Variants in SLC16A7 observed in about 807,000 individuals in gnomAD.
SLC16A7 encodes monocarboxylate transporter 2.
A neutral mutation model predicts 34.9 loss-of-function variants in SLC16A7; 33 were observed. The ratio of observed to expected loss-of-function variants is 0.94; its 90% CI spans 0.72 to 1.26. SLC16A7 has a LOEUF of 1.26. Among genes scored for constraint, SLC16A7 ranks in the 50% most tolerant of loss-of-function variants. SLC16A7 has a pLI of 0.00. For missense variants in SLC16A7, 573 were observed against 578.1 expected, an observed-to-expected ratio of 0.99 and a Z score of 0.09; for synonymous variants, 201 against 206.6, an observed-to-expected ratio of 0.97 and a Z score of 0.23.
chr12:59,753,796 A>T (rs1479962124), intron 3 of SLC16A7, among the ~76,000 whole-genome samples: 1 of 152,170 alleles, frequency 6.6e-6, no homozygotes, highest in East Asian at 1.9e-4. Flanking sequence ...AAATCAACAG[A>T]ATATACATTT....
intron 5 of SLC16A7, among the ~76,000 whole-genome samples, chr12:59,776,343 C>T (rs943033966): frequency 1.3e-5 from 2 of 152,106 alleles, no homozygotes; most frequent in Admixed American, 1.3e-4. Context: ...TAAATTATGC[C>T]TTCTGAACTT....
At chr12:59,752,614 C>G (rs140896276) in intron 3 of SLC16A7, among the ~76,000 whole-genome samples, 2,629 of 151,794 alleles carry the variant, frequency 0.017, 61 homozygotes, top group African/African-American at 0.059. Context: ...GTGAAAAGAC[C>G]AAATCTATGT....
chr12:59,728,524 G>A (rs987099410), intron 3 of SLC16A7, among the ~76,000 whole-genome samples: 7 of 152,118 alleles, frequency 4.6e-5, no homozygotes, highest in East Asian at 1.9e-4. Flanking sequence ...AGAACCTATC[G>A]TCATCCAGGT....
chr12:59,684,540 A>G (rs1199671983), intron 2 of SLC16A7, among the ~76,000 whole-genome samples: 1 of 152,138 alleles, frequency 6.6e-6, no homozygotes, highest in Non-Finnish European at 1.5e-5. Context: ...AAAGGTCAGA[A>G]AAACATAGTG....
chr12:59,761,351 A>C (rs1880994277), intron 3 of SLC16A7: 1 of 309,458 alleles, frequency 3.2e-6, no homozygotes, highest in Non-Finnish European at 6.3e-6. Flanking sequence ...GTACTACTTA[A>C]GTTACATAAA....
At chr12:59,640,170 G>C (rs1307610662) in intron 1 of SLC16A7, among the ~76,000 whole-genome samples, 1 of 152,130 alleles carries the variant, frequency 6.6e-6, no homozygotes, top group Non-Finnish European at 1.5e-5. Flanking sequence ...ATTAACAGTT[G>C]TAACTATTTC....
At chr12:59,692,280 C>A (rs1871755405) in intron 2 of SLC16A7, among the ~76,000 whole-genome samples, 1 of 151,880 alleles carries the variant, frequency 6.6e-6, no homozygotes, top group Admixed American at 6.6e-5. Flanking sequence ...CCTGGGTAAT[C>A]CAGGGTAAGA....
chr12:59,710,661 G>T (rs181466894), intron 3 of SLC16A7, among the ~76,000 whole-genome samples: 2 of 152,192 alleles, frequency 1.3e-5, no homozygotes, highest in African/African-American at 2.4e-5. Context: ...TGTATAAAAA[G>T]AACCTATTTA....
chr12:59,634,044 C>T (rs1007801183), intron 1 of SLC16A7, among the ~76,000 whole-genome samples: 1 of 152,004 alleles, frequency 6.6e-6, no homozygotes, highest in Non-Finnish European at 1.5e-5. Context: ...TAACATTATC[C>T]CTATTTTATG....
At chr12:59,700,906 G>T (rs1202313763) in intron 2 of SLC16A7, among the ~76,000 whole-genome samples, 1 of 151,662 alleles carries the variant, frequency 6.6e-6, no homozygotes, top group Non-Finnish European at 1.5e-5. Flanking sequence ...CTAATCTGAG[G>T]CAAGCATACA....
At chr12:59,745,567 A>G (rs1482076554) in intron 3 of SLC16A7, among the ~76,000 whole-genome samples, 2 of 152,250 alleles carry the variant, frequency 1.3e-5, no homozygotes, top group Non-Finnish European at 2.9e-5. Flanking sequence ...ATGAATGACA[A>G]AAAATAATTC....
intron 2 of SLC16A7, among the ~76,000 whole-genome samples, chr12:59,695,839 G>T (rs1419535831): frequency 1.3e-5 from 2 of 152,014 alleles, no homozygotes; most frequent in Non-Finnish European, 2.9e-5. Flanking sequence ...ATATTGGATG[G>T]ATTAGAGATT....
intron 1 of SLC16A7, among the ~76,000 whole-genome samples, chr12:59,647,462 C>T (rs1868267023): frequency 6.6e-6 from 1 of 152,182 alleles, no homozygotes; most frequent in Non-Finnish European, 1.5e-5. Flanking sequence ...TTCCCAAGGC[C>T]TCCCTAGCCC....
chr12:59,633,434 C>T (rs1197789192), intron 1 of SLC16A7, among the ~76,000 whole-genome samples: 2 of 151,970 alleles, frequency 1.3e-5, no homozygotes, highest in African/African-American at 2.4e-5. Flanking sequence ...TGTTACTTAA[C>T]ATTTAGCAGT....
intron 3 of SLC16A7, among the ~76,000 whole-genome samples, chr12:59,766,901 G>T (rs911858701): frequency 7.2e-5 from 11 of 152,050 alleles, no homozygotes; most frequent in Non-Finnish European, 1.5e-4. Flanking sequence ...GCTTCAGAAG[G>T]AATGGTACCA....
At chr12:59,604,995 C>T (rs745554451) in intron 1 of SLC16A7, among the ~76,000 whole-genome samples, 3 of 151,984 alleles carry the variant, frequency 2.0e-5, no homozygotes, top group Non-Finnish European at 4.4e-5. Context: ...TACAGGCGCC[C>T]GCCACCACGC....
chr12:59,676,872 A>G (rs1294542820), intron 2 of SLC16A7, among the ~76,000 whole-genome samples: 1 of 152,170 alleles, frequency 6.6e-6, no homozygotes, highest in East Asian at 1.9e-4. Flanking sequence ...GATTTTAAGT[A>G]ACATTTGCAT....
rs1474415226 is a variant in SLC16A7, at chr12:59,596,733, G to A, written c.-130+497G>A. Among the ~76,000 whole-genome samples, 1 of 150,092 alleles carries A rather than the reference G, an allele frequency of 6.7e-6. No homozygotes were observed. The highest frequency in any genetic ancestry group is 2.5e-5 in the African/African-American group (1 of 39,632). ...GCCGCAGAAGGTGGAGGCGGGGGTG[G>A]AGTGTGTGGAGAGAACGTCTTCTCT... On this transcript the variant is annotated intron_variant, in intron 1 of 5. Coordinates refer to ENST00000547379, the MANE Select transcript of SLC16A7 (RefSeq NM_001270623.2). This position sits in a 1 kb window ranked among gnomAD's most constrained non-coding sequence, Gnocchi z 5.0.
intron 3 of SLC16A7, among the ~76,000 whole-genome samples, chr12:59,743,642 A>T (rs1878572112): frequency 6.6e-6 from 1 of 152,176 alleles, no homozygotes; most frequent in South Asian, 2.1e-4. Flanking sequence ...ACTTTAACAA[A>T]TTTTTATTAA....
Sources: gnomAD v4.1 joint callset for allele counts (sites outside exome capture counted in the v4.1 genomes callset) on GRCh38, gnomAD v4.1.1 for gene constraint, Gnocchi (gnomAD v3.1) non-coding constraint, MANE v1.5 for transcripts, NCBI Gene and HGNC (gene_info 2026-07-23, HGNC 2026-07-21) for gene names.